The following WDFY3 variants were observed in gnomAD, a reference collection of about 807,000 sequenced individuals.
The protein encoded by WDFY3 is WD repeat and FYVE domain-containing protein 3.
WDFY3 carries 66 observed loss-of-function variants against 409.6 expected under a neutral mutation model. The ratio of observed to expected loss-of-function variants is 0.16; its 90% CI spans 0.13 to 0.20. WDFY3 has a LOEUF of 0.20. Among genes scored for constraint, WDFY3 ranks in the 10% least tolerant of loss-of-function variants. WDFY3 has a pLI of 1.00. For synonymous variants in WDFY3, 1,521 were observed against 1,537.1 expected, an observed-to-expected ratio of 0.99 and a Z score of 0.25; for missense variants, 3,031 against 4,298.1, an observed-to-expected ratio of 0.71 and a Z score of 8.24.
chr4:84,843,388 G>A (rs895763923), intron 5 of WDFY3, among the ~76,000 whole-genome samples: 1 of 151,934 alleles, frequency 6.6e-6, no homozygotes, highest in African/African-American at 2.4e-5. Context: ...ATATTTCAAA[G>A]GCATCTCCCA....
intron 66 of WDFY3, among the ~76,000 whole-genome samples, 188 bp downstream of exon 66, chr4:84,677,980 A>AG (rs1380793817): frequency 1.3e-5 from 2 of 151,292 alleles, no homozygotes; most frequent in African/African-American, 4.8e-5. Flanking sequence ...AAAAAAAAAA[A>AG]AAAAAAAGAA....
chr4:84,690,566 A>G lies in WDFY3; in HGVS notation c.9303T>C (p.Val3101=), dbSNP rs780373619. 5 of 1,614,122 alleles carry G rather than the reference A, an allele frequency of 3.1e-6. No homozygotes were observed. Among genetic ancestry groups the G allele is most frequent in the Non-Finnish European group, 4.2e-6 (5 of 1,180,026 alleles). ...KLVITGGTST[V]VCVWEMGTSK... ...AGGTGCCCATCTCCCACACACACAC[A>G]ACCGTGCTTGTTCCACCCGTGATGA... The change falls in exon 61 of 68, where the codon GTT becomes GTC. Residue 3101 remains valine (V), a synonymous_variant. Coordinates refer to ENST00000295888, the MANE Select transcript of WDFY3 (RefSeq NM_014991.6).
At chr4:84,754,869 G>C (rs1741165388) in intron 34 of WDFY3, among the ~76,000 whole-genome samples, 1 of 152,000 alleles carries the variant, frequency 6.6e-6, no homozygotes, top group African/African-American at 2.4e-5. Flanking sequence ...ACATTAATAA[G>C]TTAATACTTA....
chr4:84,927,275 T>G (rs1235852686), intron 2 of WDFY3, among the ~76,000 whole-genome samples: 2 of 152,122 alleles, frequency 1.3e-5, no homozygotes, highest in East Asian at 3.9e-4. Flanking sequence ...ACTTGAGATA[T>G]TCTTAGACTA....
Position 84,808,505 on chromosome 4 carries a change from C to A in WDFY3, c.2346-88G>T, listed in dbSNP as rs1263423204. The A allele has an allele frequency of 2.9e-6, 3 of 1,048,694 alleles. No individual in the cohort carries two copies. In the African/African-American group the frequency reaches 4.8e-5, roughly 17 times the overall value. The allele number at this position is 1,048,694 out of a possible 1,614,324, so 65.0% of individuals were successfully genotyped here. On this transcript the variant is annotated intron_variant, in intron 14 of 67. Coordinates refer to ENST00000295888, the MANE Select transcript of WDFY3 (RefSeq NM_014991.6). The stretch of plus-strand genomic sequence containing the variant: ...CAGTTGGTTAGTTTCACAAGAAATG[C>A]CAGTAAAAGTTTAATAAGGAACATC...
chr4:84,766,253 G>A lies in WDFY3; in HGVS notation c.4969C>T (p.Gln1657Ter). 1 of 1,576,210 alleles carries A rather than the reference G, an allele frequency of 6.3e-7. No individual in the cohort carries two copies. The highest frequency in any genetic ancestry group is 8.6e-7 in the Non-Finnish European group (1 of 1,162,810). The stretch of plus-strand genomic sequence containing the variant: ...CACTTTTAAAAAAGATTTACTTACT[G>A]CAAATTAATGCTTGTCTTTTCTTTA... ...TSKEKTSINL[Q>*]ACEELVKTLG... The change falls in exon 31 of 68, where the codon CAA (glutamine) becomes TAA (stop). Residue 1657 changes from glutamine to a stop codon, truncating the protein, a stop_gained and splice_region_variant. Coordinates refer to ENST00000295888, the MANE Select transcript of WDFY3 (RefSeq NM_014991.6). LOFTEE classifies it high-confidence loss of function.
intron 4 of WDFY3, among the ~76,000 whole-genome samples, chr4:84,859,522 T>A (rs1006015007): frequency 5.3e-5 from 8 of 152,192 alleles, no homozygotes; most frequent in Non-Finnish European, 8.8e-5. Flanking sequence ...TGTGAAACTA[T>A]CTGACTTTTT....
Position 84,751,586 on chromosome 4 carries a change from G to T in WDFY3, c.5870C>A (p.Pro1957Gln). Residue 1957 changes from proline to glutamine, a missense_variant, in exon 36 of 68, where the codon CCG becomes CAG. Physicochemically the swap from Pro to Gln is moderately conservative, Grantham distance 76. Transcript: ENST00000295888. ...GAAGTCAAAAACGAACTTTTTAGCC[G>T]GGTGATTGGTCAGATATGTCTTGGT... is the stretch of plus-strand genomic sequence containing the variant. ...VGTKTYLTNH[P>Q]AKKFVFDFMR... is the part of the protein sequence containing the mutation. The T allele has an allele frequency of 2.5e-6, 4 of 1,614,108 alleles. No homozygotes were observed. The highest frequency in any genetic ancestry group is 4.5e-5 in the East Asian group (2 of 44,876).
At chr4:84,726,798 AC>A in intron 45 of WDFY3, 62 bp downstream of exon 45, 2 of 1,505,702 alleles carry the variant, frequency 1.3e-6, no homozygotes, top group Admixed American at 2.1e-5. Flanking sequence ...TAAAAAAAAA[AC>A]CAGAAAACAA....
At chr4:84,864,817 T>C (rs1761145830) in intron 3 of WDFY3, among the ~76,000 whole-genome samples, 1 of 152,220 alleles carries the variant, frequency 6.6e-6, no homozygotes, top group Admixed American at 6.5e-5. Flanking sequence ...AGTTAGCACG[T>C]TTATTTATTT....
At chr4:84,844,968 C>G (rs1245736392) in intron 5 of WDFY3, among the ~76,000 whole-genome samples, 1 of 152,186 alleles carries the variant, frequency 6.6e-6, no homozygotes, top group Non-Finnish European at 1.5e-5. Context: ...AAACGTATAA[C>G]AAATCATCCA....
At chr4:84,790,390 G>T (rs1422675387) in intron 21 of WDFY3, among the ~76,000 whole-genome samples, 6 of 151,966 alleles carry the variant, frequency 3.9e-5, no homozygotes, top group African/African-American at 7.3e-5. Context: ...AATGCAGACA[G>T]AAGATACCTT....
intron 21 of WDFY3, among the ~76,000 whole-genome samples, chr4:84,790,578 C>T (rs1748347813): frequency 6.6e-6 from 1 of 151,996 alleles, no homozygotes; most frequent in Non-Finnish European, 1.5e-5. Flanking sequence ...TAAAAAGAGA[C>T]TAGTTGACAC....
In WDFY3 at chr4:84,679,010, T is replaced by C; in HGVS notation, c.10056A>G (p.Ser3352=). 3.7e-6 allele frequency: 6 copies of C among 1,614,224 alleles called. No homozygotes were observed. The highest frequency in any genetic ancestry group is 5.1e-6 in the Non-Finnish European group (6 of 1,180,038). ...GCAGATGGGCTCTGGTCTGGCCCTC[T>C]GAATAGTTCACAAATATGAAGCCGT... is the stretch of plus-strand genomic sequence containing the variant. ...EKDGFIFVNY[S]EGQTRAHLQG... The change falls in exon 65 of 68, where the codon TCA becomes TCG. Residue 3352 remains serine (S), a synonymous_variant. Coordinates refer to ENST00000295888, the MANE Select transcript of WDFY3 (RefSeq NM_014991.6).
intron 3 of WDFY3, among the ~76,000 whole-genome samples, chr4:84,861,168 G>A (rs938999109): frequency 6.6e-5 from 10 of 152,200 alleles, no homozygotes; most frequent in Admixed American, 2.6e-4. Context: ...CCAAGATCAC[G>A]CCACTGCATT....
At chr4:84,894,235 C>T (rs1181436227) in intron 3 of WDFY3, among the ~76,000 whole-genome samples, 3 of 152,132 alleles carry the variant, frequency 2.0e-5, no homozygotes, top group African/African-American at 7.2e-5. Context: ...CTTTTGAGAA[C>T]ATAAACTCTG....
At chr4:84,857,230 T>C (rs1047091906) in intron 4 of WDFY3, among the ~76,000 whole-genome samples, 2 of 152,114 alleles carry the variant, frequency 1.3e-5, no homozygotes, top group Non-Finnish European at 2.9e-5. Flanking sequence ...TACAATAACA[T>C]AGGACATAAG....
At chr4:84,872,620 C>T (rs866641172) in intron 3 of WDFY3, among the ~76,000 whole-genome samples, 1 of 152,040 alleles carries the variant, frequency 6.6e-6, no homozygotes, top group African/African-American at 2.4e-5. Context: ...GATATTTATC[C>T]TACTAAATCA....
rs545145767 is a variant in WDFY3 at position 84,676,596 on chromosome 4, G to GA, written c.10457+602dup. On this transcript the variant is annotated intron_variant, in intron 67 of 67. Coordinates refer to ENST00000295888, the MANE Select transcript of WDFY3 (RefSeq NM_014991.6). ...ATTATTTATAGTACTGATAAAAATA[G>GA]AAAAAAAAAAACCCTGAGAGGGCAT... 4.4e-3 allele frequency among the ~76,000 whole-genome samples: 574 copies of GA among 130,200 alleles called. 8 individuals carry two copies. Among genetic ancestry groups the GA allele is most frequent in the South Asian group, 0.032 (127 of 3,974 alleles). 85.4% of individuals were successfully genotyped at this position (130,200 alleles called of 152,430 possible).
Sources: allele counts gnomAD v4.1 joint callset (sites outside exome capture counted in the v4.1 genomes callset), GRCh38; gene constraint gnomAD v4.1.1; transcripts MANE v1.5; gene names NCBI Gene and HGNC (gene_info 2026-07-23, HGNC 2026-07-21).